GLP1R: variants seen among roughly 807,000 people sequenced by gnomAD.
The protein encoded by GLP1R is glucagon-like peptide 1 receptor.
GLP1R carries 32 observed loss-of-function variants against 68.4 expected under a neutral mutation model. The ratio of observed to expected loss-of-function variants is 0.47; its 90% CI spans 0.35 to 0.63. The LOEUF is 0.63. GLP1R is among the 20% of genes least tolerant of loss of function. The pLI is 0.00. For missense variants in GLP1R, 502 were observed against 594.9 expected, an observed-to-expected ratio of 0.84 and a Z score of 1.62; for synonymous variants, 263 against 244.4, an observed-to-expected ratio of 1.08 and a Z score of -0.71.
At chr6:39,077,764 T>G (rs528243779) in intron 7 of GLP1R, among the ~76,000 whole-genome samples, 1 of 152,316 alleles carries the variant, frequency 6.6e-6, no homozygotes, top group East Asian at 1.9e-4. Flanking sequence ...TGTAGGCCAC[T>G]GCGGACAGTT....
At position 39,079,699 on chromosome 6, in the gene GLP1R, C is replaced by A. The variant is rs766288520; in HGVS notation, c.1179C>A (p.Phe393Leu). 6.2e-7 allele frequency: 1 copy of A among 1,611,994 alleles called. No homozygotes were observed. The highest frequency in any genetic ancestry group is 1.3e-5 in the African/African-American group (1 of 74,862). ...KLFTELSFTS[F>L]QGLMVAILYC... is the part of the protein sequence containing the mutation. The stretch of plus-strand genomic sequence containing the variant: ...TTACAGAGCTCTCCTTCACCTCCTT[C>A]CAGGTGACTTCATGCTTGGGGACAC... The change falls in exon 11 of 13, where the codon TTC (phenylalanine) becomes TTA (leucine). Residue 393 changes from phenylalanine to leucine, a missense_variant. Phe to Leu is a conservative substitution (Grantham distance 22). Coordinates refer to ENST00000373256, the MANE Select transcript of GLP1R (RefSeq NM_002062.5). The surrounding 1 kb of genome is among the most constrained non-coding windows in gnomAD (Gnocchi z 4.5).
intron 7 of GLP1R, among the ~76,000 whole-genome samples, chr6:39,075,032 A>G (rs1196779424): frequency 6.6e-6 from 1 of 152,168 alleles, no homozygotes; most frequent in Non-Finnish European, 1.5e-5. Flanking sequence ...AGGGCCTTAC[A>G]GGCAGAGCAG....
chr6:39,078,848 GTGTGGCACTCAA>G, intron 8 of GLP1R, 97 bp from the exon 9 acceptor site: 1 of 914,502 alleles, frequency 1.1e-6, no homozygotes, highest in Non-Finnish European at 1.8e-6. Context: ...GGAGCTGTGT[GTGTGGCACTCAA>G]CATGGCCATG....
At chr6:39,069,496 G>A (rs564911312) in intron 5 of GLP1R, among the ~76,000 whole-genome samples, 19 of 152,176 alleles carry the variant, frequency 1.2e-4, no homozygotes, top group Admixed American at 5.2e-4. Flanking sequence ...AGCTGGGTGC[G>A]GTGGCGGGCG....
chr6:39,082,523 C>T (rs2150838329), intron 12 of GLP1R, among the ~76,000 whole-genome samples: 1 of 152,240 alleles, frequency 6.6e-6, no homozygotes, highest in South Asian at 2.1e-4. Context: ...CCCAGCGGCT[C>T]CGTTTGGAGG....
chr6:39,055,620 C>CCCTGACCCCTTCACCTCATGT (rs1397741388), intron 1 of GLP1R, among the ~76,000 whole-genome samples: 1 of 152,110 alleles, frequency 6.6e-6, no homozygotes, highest in Non-Finnish European at 1.5e-5. Context: ...TCTGGAACCT[C>CCCTGACCCCTTCACCTCATGT]CCTGACCCCT....
rs74361117 is a variant in GLP1R, at chr6:39,089,709, C to T, written c.*3636C>T. Among the ~76,000 whole-genome samples, 18,498 of 152,074 alleles carry T rather than the reference C, an allele frequency of 0.12. 1,591 individuals carry two copies. Among genetic ancestry groups the T allele is most frequent in the African/African-American group, 0.23 (9,684 of 41,426 alleles). On this transcript the variant is annotated 3_prime_UTR_variant, in exon 13 of 13. Transcript: ENST00000373256. This position sits in a 1 kb window ranked among gnomAD's most constrained non-coding sequence, Gnocchi z 4.1. The stretch of plus-strand genomic sequence containing the variant: ...AGATGATGACTCCAGAATCATCACA[C>T]CCGCTGTGCAGGTCATAGGACCGCA...
Position 39,079,590 on chromosome 6 carries a change from T to C in GLP1R, c.1070T>C (p.Ile357Thr), listed in dbSNP as rs201054657. 5 of 1,602,864 alleles carry C rather than the reference T, an allele frequency of 3.1e-6. No homozygotes were observed. The highest frequency in any genetic ancestry group is 3.4e-6 in the Non-Finnish European group (4 of 1,175,534). The change falls in exon 11 of 13, where the codon ATC becomes ACC. Residue 357 changes from isoleucine to threonine, a missense_variant. Physicochemically the swap from Ile to Thr is moderately conservative, Grantham distance 89 (BLOSUM62 -1). Coordinates refer to ENST00000373256, the MANE Select transcript of GLP1R (RefSeq NM_002062.5). The surrounding 1 kb of genome is among the most constrained non-coding windows in gnomAD (Gnocchi z 4.5). ...CRLAKSTLTL[I>T]PLLGTHEVIF... ...CTTGCCAAGTCCACGCTGACACTCA[T>C]CCCCCTGCTGGGGACTCATGAGGTC...
chr6:39,060,418 A>G (rs964035101), intron 3 of GLP1R, among the ~76,000 whole-genome samples: 3 of 152,198 alleles, frequency 2.0e-5, no homozygotes, highest in African/African-American at 7.2e-5. Flanking sequence ...TAAAGGGACC[A>G]ATGAGGCATA....
At chr6:39,059,082 A>G (rs1326465599) in intron 3 of GLP1R, among the ~76,000 whole-genome samples, 1 of 152,098 alleles carries the variant, frequency 6.6e-6, no homozygotes, top group Non-Finnish European at 1.5e-5. Context: ...CCTTGTCCAC[A>G]CTCACAGTAC....
intron 5 of GLP1R, among the ~76,000 whole-genome samples, chr6:39,066,810 T>C (rs769872477): frequency 6.6e-6 from 1 of 152,072 alleles, no homozygotes; most frequent in Non-Finnish European, 1.5e-5. Context: ...CCCACTCCTC[T>C]GCACTTGGAG....
At position 39,068,657 on chromosome 6, in the gene GLP1R, A is replaced by G. The variant is rs1204302124; in HGVS notation, c.509+2354A>G. Among the ~76,000 whole-genome samples, 5 of 152,192 alleles carry G rather than the reference A, an allele frequency of 3.3e-5. No homozygotes were observed. The South Asian group carries it at 8.3e-4, about 25-fold the overall frequency. On this transcript the variant is annotated intron_variant, in intron 5 of 12. Coordinates refer to ENST00000373256, the MANE Select transcript of GLP1R (RefSeq NM_002062.5). ...CGAGGTTTACTGCTACGTCCTCCAG[A>G]GGGACGGCCTGAGTTATACCTGGGC...
In GLP1R at chr6:39,073,639, G is replaced by T; in HGVS notation, c.693G>T (p.Leu231=). The T allele has an allele frequency of 3.7e-6, 6 of 1,613,968 alleles. No individual in the cohort carries two copies. Among genetic ancestry groups the T allele is most frequent in the Non-Finnish European group, 4.2e-6 (5 of 1,179,912 alleles). Reference sequence around the variant, plus strand: ...CTCTGAGCTGCCGCCTGGTGTTTCTGCTCATGCAGTACTGTGTGGCGGCCA... The same window carrying T: ...CTCTGAGCTGCCGCCTGGTGTTTCTTCTCATGCAGTACTGTGTGGCGGCCA... ...QDSLSCRLVF[L]LMQYCVAANY... Residue 231 remains leucine (L), a synonymous_variant, in exon 7 of 13, where the codon CTG becomes CTT. Coordinates refer to ENST00000373256, the MANE Select transcript of GLP1R (RefSeq NM_002062.5).
chr6:39,070,678 T>C (rs1768637427), intron 5 of GLP1R, among the ~76,000 whole-genome samples: 1 of 152,256 alleles, frequency 6.6e-6, no homozygotes. Flanking sequence ...ATGATTTTAA[T>C]TTGCATATTC....
At chr6:39,055,594 C>T (rs1054112725) in intron 1 of GLP1R, among the ~76,000 whole-genome samples, 4 of 152,162 alleles carry the variant, frequency 2.6e-5, no homozygotes, top group Admixed American at 1.3e-4. Context: ...TCCCATTGCA[C>T]GTGTGACTTC....
chr6:39,048,815 G>T lies in GLP1R; in HGVS notation c.-26G>T, dbSNP rs756644712. 65 of 1,209,066 alleles carry T rather than the reference G, an allele frequency of 5.4e-5. 1 individual carries two copies. The Admixed American group carries it at 1.3e-3, about 25-fold the overall frequency. 74.9% of individuals were successfully genotyped at this position (1,209,066 alleles called of 1,614,324 possible). A position where few individuals can be genotyped will look rare whatever the true frequency, so the allele number is the denominator to read the frequency against. The stretch of plus-strand genomic sequence containing the variant: ...CGCACGCGGTTCCGCAGGTGGCAGC[G>T]ATGGCCCAGTCCTGAACTCCCCGCC... On this transcript the variant is annotated 5_prime_UTR_variant, in exon 1 of 13. Coordinates refer to ENST00000373256, the MANE Select transcript of GLP1R (RefSeq NM_002062.5).
At chr6:39,054,317 G>A (rs941931141) in intron 1 of GLP1R, among the ~76,000 whole-genome samples, 1 of 152,078 alleles carries the variant, frequency 6.6e-6, no homozygotes, top group Non-Finnish European at 1.5e-5. Context: ...GGAGAGGCCA[G>A]AAGTCTGGGT....
At chr6:39,050,553 G>A (rs981491037) in intron 1 of GLP1R, among the ~76,000 whole-genome samples, 2 of 152,120 alleles carry the variant, frequency 1.3e-5, no homozygotes, top group African/African-American at 4.8e-5. Context: ...CAGGATTGGG[G>A]TGGTAGAGAA....
rs78475454 is a variant in GLP1R, at chr6:39,067,533, C to G, written c.509+1230C>G. Among the ~76,000 whole-genome samples, 451 of 152,224 alleles carry G rather than the reference C, an allele frequency of 3.0e-3. 18 individuals are homozygous for G. In the East Asian group the frequency reaches 0.068, roughly 23 times the overall value. ...TCAGGTCTCTTATAAGGTACTAATC[C>G]CATTCGTGAGGGCAGAGCCTTCATC... On this transcript the variant is annotated intron_variant, in intron 5 of 12. Transcript: ENST00000373256.
Sources: gnomAD v4.1 joint callset for allele counts (sites outside exome capture counted in the v4.1 genomes callset) on GRCh38, gnomAD v4.1.1 for gene constraint, Gnocchi (gnomAD v3.1) non-coding constraint, MANE v1.5 for transcripts, NCBI Gene and HGNC (gene_info 2026-07-23, HGNC 2026-07-21) for gene names.